Variants in CSPP1 observed in about 807,000 individuals in gnomAD.
The protein encoded by CSPP1 is centrosome and spindle pole-associated protein 1.
A neutral mutation model predicts 164.4 loss-of-function variants in CSPP1; 126 were observed. The observed-to-expected ratio is 0.77, with a 90% CI of 0.66 to 0.89. The LOEUF (loss-of-function observed/expected upper bound fraction) is 0.89. Among genes scored for constraint, CSPP1 ranks in the 40% least tolerant of loss-of-function variants. The pLI, the probability that CSPP1 is intolerant of heterozygous loss-of-function variation, is 0.00. For synonymous variants in CSPP1, 472 were observed against 476.7 expected, an observed-to-expected ratio of 0.99 and a Z score of 0.13; for missense variants, 1,395 against 1,449.8, an observed-to-expected ratio of 0.96 and a Z score of 0.61.
At chr8:67,087,175 C>G (rs1455060644) in intron 4 of CSPP1, among the ~76,000 whole-genome samples, 4 of 147,288 alleles carry the variant, frequency 2.7e-5, no homozygotes. Flanking sequence ...TCAAATTACA[C>G]TAATCACAGT....
chr8:67,175,623 CT>C (rs1267958352), intron 26 of CSPP1, 187 bp downstream of exon 26: 2 of 718,468 alleles, frequency 2.8e-6, no homozygotes, highest in Non-Finnish European at 5.0e-6. Flanking sequence ...AGTGGCTCCA[CT>C]AGGGTGGTGT....
rs751458139 is a variant in CSPP1 at position 67,064,453 on chromosome 8, C to G, written c.-96C>G. 1.5e-5 allele frequency: 25 copies of G among 1,614,034 alleles called. No homozygotes were observed. The highest frequency in any genetic ancestry group is 1.6e-4 in the Middle Eastern group (1 of 6,062). On this transcript the variant is annotated 5_prime_UTR_variant, in exon 1 of 31. Transcript: ENST00000678616. ...AACCTCTTCGGTCCGCGACGATCCT[C>G]TAGAGCACTGTGTGTCTCCCCGGAC...
At chr8:67,138,389 TA>T (rs1327564822) in intron 17 of CSPP1, among the ~76,000 whole-genome samples, 1 of 152,218 alleles carries the variant, frequency 6.6e-6, no homozygotes, top group African/African-American at 2.4e-5. Context: ...GTGAAAATGC[TA>T]TGTAAATAGT....
chr8:67,093,718 AT>A, intron 6 of CSPP1, 77 bp downstream of exon 6: 1 of 787,986 alleles, frequency 1.3e-6, no homozygotes, highest in Non-Finnish European at 2.0e-6. Context: ...AGCTTTTTCT[AT>A]TTTAGACATT....
At chr8:67,101,971 T>A (rs1238420158) in intron 7 of CSPP1, among the ~76,000 whole-genome samples, 1 of 152,170 alleles carries the variant, frequency 6.6e-6, no homozygotes, top group African/African-American at 2.4e-5. Context: ...AGTGTTGGTG[T>A]AAAAAGTCAT....
chr8:67,168,142 C>G (rs973710508), intron 24 of CSPP1, among the ~76,000 whole-genome samples: 22 of 152,164 alleles, frequency 1.4e-4, no homozygotes, highest in Admixed American at 7.2e-4. Context: ...CAAAAAAGTA[C>G]GAAAACTAGT....
At chr8:67,085,875 T>TA (rs1810289933) in intron 3 of CSPP1, 132 bp from the exon 4 acceptor site, 1 of 600,680 alleles carries the variant, frequency 1.7e-6, no homozygotes, top group South Asian at 2.0e-5. Flanking sequence ...ACATTTTAAG[T>TA]AAAAAACTTA....
At chr8:67,159,720 C>T (rs1827392733) in intron 21 of CSPP1, among the ~76,000 whole-genome samples, 1 of 150,084 alleles carries the variant, frequency 6.7e-6, no homozygotes, top group African/African-American at 2.4e-5. Flanking sequence ...CGGGGTTTCA[C>T]CATGTTGGCC....
chr8:67,084,642 G>A lies in CSPP1; in HGVS notation c.200-1365G>A, dbSNP rs558439399. Among the ~76,000 whole-genome samples the A allele has an allele frequency of 5.9e-5, 9 of 152,126 alleles. No individual in the cohort carries two copies. In the South Asian group the frequency reaches 1.2e-3, roughly 21 times the overall value. ...TAGTCCTAGCTACTCGGGAGGCTGA[G>A]ATGGGAGGATTGCTTGAGGCCAGGA... On this transcript the variant is annotated intron_variant, in intron 3 of 30. Coordinates refer to ENST00000678616, the MANE Select transcript of CSPP1 (RefSeq NM_001382391.1).
chr8:67,088,662 A>G, intron 4 of CSPP1, among the ~76,000 whole-genome samples: 1 of 150,550 alleles, frequency 6.6e-6, no homozygotes, highest in East Asian at 2.1e-4. Flanking sequence ...TTTGGGAGGC[A>G]GAGGCGGGCA....
chr8:67,168,666 TAAAGACATCTCAG>T (rs943882960), intron 24 of CSPP1, among the ~76,000 whole-genome samples: 4 of 152,248 alleles, frequency 2.6e-5, no homozygotes, highest in Admixed American at 2.0e-4. Flanking sequence ...ATATTCTGAT[TAAAGACATCTCAG>T]AGTTGGTTCT....
chr8:67,092,660 G>A (rs1032790103), intron 5 of CSPP1, among the ~76,000 whole-genome samples: 1 of 152,068 alleles, frequency 6.6e-6, no homozygotes, highest in Non-Finnish European at 1.5e-5. Context: ...GGCCAGGCTG[G>A]TCTCGAGCTC....
At chr8:67,114,966 A>G (rs1461835467) in intron 12 of CSPP1, 1 of 152,256 alleles carries the variant, frequency 6.6e-6, no homozygotes, top group African/African-American at 2.4e-5. Context: ...GTGATGTTCT[A>G]AAGTAGAGAT....
chr8:67,136,437 C>T (rs966535210), intron 16 of CSPP1, among the ~76,000 whole-genome samples: 4 of 151,898 alleles, frequency 2.6e-5, no homozygotes, highest in East Asian at 1.9e-4. Flanking sequence ...GGCGTGGTGG[C>T]AGGCTCCTGT....
Position 67,118,389 on chromosome 8 carries a change from A to C in CSPP1, c.1618+20A>C, listed in dbSNP as rs756484052. 13 of 1,612,474 alleles carry C rather than the reference A, an allele frequency of 8.1e-6. No homozygotes were observed. The highest frequency in any genetic ancestry group is 4.4e-5 in the South Asian group (4 of 90,734). On this transcript the variant is annotated intron_variant, in intron 14 of 30. Coordinates refer to ENST00000678616, the MANE Select transcript of CSPP1 (RefSeq NM_001382391.1). ...CTTATTGTAAGTTATCTATAGGGTA[A>C]GCATTTTCTCCCCGCTTGGCTCAAT...
intron 24 of CSPP1, among the ~76,000 whole-genome samples, chr8:67,171,626 C>T (rs1015591276): frequency 1.1e-4 from 16 of 152,118 alleles, no homozygotes; most frequent in African/African-American, 3.9e-4. Context: ...TGGCTCACCA[C>T]AGCCTCCTCC....
At chr8:67,192,327 G>A (rs970609665) in intron 29 of CSPP1, among the ~76,000 whole-genome samples, 10 of 152,008 alleles carry the variant, frequency 6.6e-5, no homozygotes, top group Non-Finnish European at 1.0e-4. Context: ...CACCTGCCTC[G>A]GCCTCCCAGA....
At chr8:67,165,880 C>CT (rs1288737894) in intron 24 of CSPP1, among the ~76,000 whole-genome samples, 37 of 152,170 alleles carry the variant, frequency 2.4e-4, no homozygotes, top group African/African-American at 8.9e-4. Context: ...TGGAATTAAG[C>CT]TTCATCTCTT....
chr8:67,177,518 G>A (rs1353088587), intron 26 of CSPP1, among the ~76,000 whole-genome samples, 162 bp from the exon 27 acceptor site: 2 of 152,182 alleles, frequency 1.3e-5, no homozygotes, highest in Non-Finnish European at 2.9e-5. Flanking sequence ...TGGATGCAGG[G>A]CTATGTTTTT....
Sources: gnomAD v4.1 joint callset for allele counts (sites outside exome capture counted in the v4.1 genomes callset) on GRCh38, gnomAD v4.1.1 for gene constraint, MANE v1.5 for transcripts, NCBI Gene and HGNC (gene_info 2026-07-23, HGNC 2026-07-21) for gene names.